Variants in UBASH3B observed in about 807,000 individuals in gnomAD.
The protein encoded by UBASH3B is ubiquitin associated and SH3 domain containing B, also known as ubiquitin-associated and SH3 domain-containing protein B.
In UBASH3B, 37 loss-of-function variants were observed where a neutral mutation model predicts 83.4. The observed-to-expected ratio is 0.44, with a 90% CI of 0.34 to 0.58. The LOEUF (loss-of-function observed/expected upper bound fraction) is 0.58, where lower values mean the gene tolerates loss of function less well. Among genes scored for constraint, UBASH3B ranks in the 20% least tolerant of loss-of-function variants. The probability of loss-of-function intolerance (pLI) is 0.01; values close to 1 mark genes in which losing one functional copy is unlikely to be tolerated. For missense variants in UBASH3B, 657 were observed against 827.2 expected, an observed-to-expected ratio of 0.79 and a Z score of 2.52; for synonymous variants, 304 against 318.3, an observed-to-expected ratio of 0.96 and a Z score of 0.48.
chr11:122,736,571 C>T (rs939650006), intron 1 of UBASH3B, among the ~76,000 whole-genome samples: 3 of 151,980 alleles, frequency 2.0e-5, no homozygotes, highest in East Asian at 3.9e-4. Flanking sequence ...GGGGCTTTAG[C>T]GACGCTCTTC....
intron 1 of UBASH3B, among the ~76,000 whole-genome samples, chr11:122,713,154 A>G (rs11218767): frequency 0.82 from 124,725 of 151,670 alleles, 51,593 homozygotes; most frequent in East Asian, 0.95. Flanking sequence ...TGATCCGCCC[A>G]CTTCGGCCTC....
chr11:122,666,378 C>G (rs570910512), intron 1 of UBASH3B, among the ~76,000 whole-genome samples: 8 of 152,200 alleles, frequency 5.3e-5, no homozygotes, highest in African/African-American at 1.9e-4. Context: ...TCAACCATGG[C>G]ATCTGCAGTT....
chr11:122,694,994 C>T (rs1863948484), intron 1 of UBASH3B, among the ~76,000 whole-genome samples: 1 of 107,606 alleles, frequency 9.3e-6, no homozygotes, highest in Non-Finnish European at 1.8e-5. Flanking sequence ...GGTGGAGTCT[C>T]CCTCTTTCCC....
intron 1 of UBASH3B, among the ~76,000 whole-genome samples, chr11:122,734,457 T>C (rs1025404455): frequency 2.6e-5 from 4 of 152,018 alleles, no homozygotes; most frequent in Non-Finnish European, 4.4e-5. Flanking sequence ...GTTCATAGAT[T>C]TACTAGTTGT....
chr11:122,783,534 T>G (rs1210991333), intron 5 of UBASH3B, among the ~76,000 whole-genome samples: 2 of 152,082 alleles, frequency 1.3e-5, no homozygotes, highest in African/African-American at 4.8e-5. Context: ...ATTGGAAAAT[T>G]TTTAATATTA....
chr11:122,680,961 C>T (rs1005045944), intron 1 of UBASH3B, among the ~76,000 whole-genome samples: 1 of 152,130 alleles, frequency 6.6e-6, no homozygotes, highest in Non-Finnish European at 1.5e-5. Flanking sequence ...GCAGCCGGTC[C>T]CAGGGCAATG....
At chr11:122,747,979 C>T (rs1349125144) in intron 1 of UBASH3B, among the ~76,000 whole-genome samples, 1 of 152,214 alleles carries the variant, frequency 6.6e-6, no homozygotes, top group African/African-American at 2.4e-5. Context: ...ATAGTACATA[C>T]ACCACGTTAC....
chr11:122,814,458 G>T lies in UBASH3B; in HGVS notation c.*4572G>T, dbSNP rs1325711253. On this transcript the variant is annotated 3_prime_UTR_variant, in exon 14 of 14. Transcript: ENST00000284273. ...TGGTTCATAGATGATTTAATAAAAA[G>T]AAACTTCTCAGTTGATCCAGAGCAA... is the stretch of plus-strand genomic sequence containing the variant. 1 of 152,616 alleles carries T rather than the reference G, an allele frequency of 6.6e-6. No homozygotes were observed. Among genetic ancestry groups the T allele is most frequent in the Admixed American group, 6.5e-5 (1 of 15,286 alleles). 9.5% of individuals were successfully genotyped at this position (152,616 alleles called of 1,614,324 possible). A position where few individuals can be genotyped will look rare whatever the true frequency, so the allele number is the denominator to read the frequency against.
chr11:122,664,891 A>ACAGTGACCC (rs1863493205), intron 1 of UBASH3B, among the ~76,000 whole-genome samples: 1 of 152,216 alleles, frequency 6.6e-6, no homozygotes, highest in Non-Finnish European at 1.5e-5. Context: ...CACGTTCTCC[A>ACAGTGACCC]CAGTGACCCT....
chr11:122,683,480 T>C (rs1400493155), intron 1 of UBASH3B, among the ~76,000 whole-genome samples: 1 of 151,668 alleles, frequency 6.6e-6, no homozygotes, highest in East Asian at 1.9e-4. Context: ...CCGGGCGTGG[T>C]GGCGCACGCC....
At chr11:122,688,621 CTTTCTTTTAT>C (rs1224964466) in intron 1 of UBASH3B, among the ~76,000 whole-genome samples, 32 of 132,884 alleles carry the variant, frequency 2.4e-4, no homozygotes, top group Middle Eastern at 7.4e-3. Context: ...TAATTTTTTT[CTTTCTTTTAT>C]TTTATTTTAT....
intron 1 of UBASH3B, among the ~76,000 whole-genome samples, chr11:122,677,925 C>A (rs1393400998): frequency 6.6e-6 from 1 of 152,202 alleles, no homozygotes; most frequent in African/African-American, 2.4e-5. Flanking sequence ...GTGCCCACCA[C>A]CACACCCAGC....
At chr11:122,772,362 G>T (rs941672353) in intron 1 of UBASH3B, among the ~76,000 whole-genome samples, 1 of 152,128 alleles carries the variant, frequency 6.6e-6, no homozygotes, top group South Asian at 2.1e-4. Context: ...TGTACATCCC[G>T]TGATAATTCA....
chr11:122,705,849 A>G (rs1864111691), intron 1 of UBASH3B, among the ~76,000 whole-genome samples: 1 of 152,102 alleles, frequency 6.6e-6, no homozygotes, highest in Non-Finnish European at 1.5e-5. Flanking sequence ...ACTTCGTTCC[A>G]CCCTTGCTCT....
intron 2 of UBASH3B, 54 bp downstream of exon 2, chr11:122,776,326 A>G: frequency 2.0e-6 from 3 of 1,522,016 alleles, no homozygotes. Context: ...CTCAAAGTGC[A>G]TGTGGATGAG....
chr11:122,777,175 A>C lies in UBASH3B; in HGVS notation c.367A>C (p.Ile123Leu), dbSNP rs1279621033. 1 of 1,613,740 alleles carries C rather than the reference A, an allele frequency of 6.2e-7. No individual in the cohort carries two copies. The highest frequency in any genetic ancestry group is 8.5e-7 in the Non-Finnish European group (1 of 1,179,848). ...QICGKNKAHN[I>L]FPHITLCQFF... ...CTGCGGGAAGAACAAGGCACACAACATCTTCCCCCACATCACACTCTGCCA... is the reference window on the plus strand; with the variant it reads ...CTGCGGGAAGAACAAGGCACACAACCTCTTCCCCCACATCACACTCTGCCA... Residue 123 changes from isoleucine (I) to leucine (L), a missense_variant, in exon 3 of 14, where the codon ATC (isoleucine) becomes CTC (leucine). This residue lies in a region of UBASH3B where 573 missense variants were observed against 739.0 expected (regional missense o/e 0.78). Coordinates refer to ENST00000284273, the MANE Select transcript of UBASH3B (RefSeq NM_032873.5).
In UBASH3B at chr11:122,808,141, C is replaced by G. The variant is rs1175575809; in HGVS notation, c.1777C>G (p.Gln593Glu). The stretch of plus-strand genomic sequence containing the variant: ...CTGCCAACTTCAGGGCCTGTCACCT[C>G]AGAACTCCAAGGACTTCGTACAAAT... ...CTCQLQGLSPQNSKDFVQMVR... is the reference protein window; with the variant it reads ...CTCQLQGLSPENSKDFVQMVR... Residue 593 changes from glutamine (Q) to glutamate (E), a missense_variant, in exon 13 of 14, where the codon CAG (glutamine) becomes GAG (glutamate). Around this residue, in one of 3 missense-constraint regions of UBASH3B, gnomAD observed 573 missense variants for 739.0 expected, o/e 0.78. Transcript: ENST00000284273. 6.2e-7 allele frequency: 1 copy of G among 1,614,184 alleles called. No individual in the cohort carries two copies. The highest frequency in any genetic ancestry group is 2.2e-5 in the East Asian group (1 of 44,880).
chr11:122,774,093 T>C, intron 1 of UBASH3B: 1 of 984,970 alleles, frequency 1.0e-6, no homozygotes, highest in Non-Finnish European at 1.2e-6. Context: ...CCTCTGATTG[T>C]CTAGTAAGTC....
At chr11:122,754,437 G>A (rs937259453) in intron 1 of UBASH3B, among the ~76,000 whole-genome samples, 3 of 152,236 alleles carry the variant, frequency 2.0e-5, no homozygotes, top group African/African-American at 7.2e-5. Flanking sequence ...GAGGACATCT[G>A]GATGGTCAGT....
Sources: allele counts gnomAD v4.1 joint callset (sites outside exome capture counted in the v4.1 genomes callset), GRCh38; gene constraint gnomAD v4.1.1; regional missense constraint gnomAD v4.1.1; transcripts MANE v1.5; gene names NCBI Gene and HGNC (gene_info 2026-07-23, HGNC 2026-07-21).